Variants in GALNT5 observed in about 807,000 individuals in gnomAD.
The protein encoded by GALNT5 is UDP-GalNAc:polypeptide N-acetylgalactosaminyltransferase 5.
In GALNT5, 72 loss-of-function variants were observed where a neutral mutation model predicts 85.4. The ratio of observed to expected loss-of-function variants is 0.84; its 90% CI spans 0.70 to 1.03. GALNT5 has a LOEUF of 1.03. Ranked by LOEUF, GALNT5 falls within the 50% of genes least tolerant of loss-of-function variation. The pLI is 0.00. For missense variants in GALNT5, 1,137 were observed against 1,135.5 expected (o/e 1.00, Z -0.02); for synonymous variants, 404 against 397.0 (o/e 1.02, Z -0.21).
In GALNT5 at chr2:157,300,705, C is replaced by A. The variant is rs201738512; in HGVS notation, c.2145C>A (p.Ile715=). 6.2e-7 allele frequency: 1 copy of A among 1,613,356 alleles called. No homozygotes were observed. The highest frequency in any genetic ancestry group is 1.7e-5 in the Admixed American group (1 of 60,006). Residue 715 remains isoleucine (I), a synonymous_variant, in exon 7 of 10, where the codon ATC becomes ATA. Transcript: ENST00000259056. ...GGATGTGTGGTGGTGAAATTGAGAT[C>A]ATTCCCTGCTCCCGAGTGGGCCATA... The part of the protein sequence containing the change: ...KVWMCGGEIE[I]IPCSRVGHIF...
At chr2:157,285,283 G>A (rs1030844743) in intron 2 of GALNT5, among the ~76,000 whole-genome samples, 2 of 152,194 alleles carry the variant, frequency 1.3e-5, no homozygotes, top group Non-Finnish European at 2.9e-5. Context: ...GGCCTTGGAA[G>A]CATAAACAGG....
At chr2:157,271,047 C>T (rs1358390115) in intron 1 of GALNT5, among the ~76,000 whole-genome samples, 1 of 151,462 alleles carries the variant, frequency 6.6e-6, no homozygotes, top group East Asian at 1.9e-4. Flanking sequence ...ACCCGGGAGG[C>T]GGAGCCTGCA....
intron 1 of GALNT5, among the ~76,000 whole-genome samples, chr2:157,268,744 GT>G (rs1393892073): frequency 6.6e-6 from 1 of 152,144 alleles, no homozygotes; most frequent in African/African-American, 2.4e-5. Context: ...GGCCCCATTT[GT>G]TTTTAGAACT....
At chr2:157,293,093 C>T (rs1013504537) in intron 3 of GALNT5, among the ~76,000 whole-genome samples, 4 of 152,224 alleles carry the variant, frequency 2.6e-5, no homozygotes, top group Non-Finnish European at 5.9e-5. Context: ...TGAGTCTTCC[C>T]ATGACAGGGG....
At position 157,311,438 on chromosome 2, in the gene GALNT5, A is replaced by C; in HGVS notation, c.*90A>C. ...AACTATATTTCTCAGCGGTAGTTTAAATTTTCAATTTTAATAACATTTGAA... is the reference window on the plus strand; with the variant it reads ...AACTATATTTCTCAGCGGTAGTTTACATTTTCAATTTTAATAACATTTGAA... On this transcript the variant is annotated 3_prime_UTR_variant, in exon 10 of 10. Coordinates refer to ENST00000259056, the MANE Select transcript of GALNT5 (RefSeq NM_014568.3). 1.2e-6 allele frequency: 1 copy of C among 828,768 alleles called. No individual in the cohort carries two copies. Among genetic ancestry groups the C allele is most frequent in the South Asian group, 1.9e-5 (1 of 51,652 alleles). The allele number at this position is 828,768 out of a possible 1,614,324, so 51.3% of individuals were successfully genotyped here. A position where few individuals can be genotyped will look rare whatever the true frequency, so the allele number is the denominator to read the frequency against.
chr2:157,297,704 G>C (rs1683244921), intron 5 of GALNT5, among the ~76,000 whole-genome samples: 1 of 152,166 alleles, frequency 6.6e-6, no homozygotes, highest in Admixed American at 6.5e-5. Flanking sequence ...GGAGGGGAGA[G>C]AGGTGTGGGA....
At chr2:157,280,551 T>C (rs1003843662) in intron 1 of GALNT5, among the ~76,000 whole-genome samples, 4 of 152,248 alleles carry the variant, frequency 2.6e-5, no homozygotes, top group African/African-American at 9.6e-5. Flanking sequence ...TTACCAAGTT[T>C]GTGGTAATTT....
Position 157,289,098 on chromosome 2 carries a change from AC to A in GALNT5, c.1741+2966del, listed in dbSNP as rs555252675. Among the ~76,000 whole-genome samples the A allele has an allele frequency of 1.5e-3, 223 of 152,172 alleles. 1 individual carries two copies. Among genetic ancestry groups the A allele is most frequent in the African/African-American group, 5.3e-3 (220 of 41,468 alleles). On this transcript the variant is annotated intron_variant, in intron 3 of 9. Coordinates refer to ENST00000259056, the MANE Select transcript of GALNT5 (RefSeq NM_014568.3). ...TCATGCACAGAAAGTAGAATACAGA[AC>A]CAAATATGGGTTACTTATTTAAAAA...
chr2:157,296,258 T>G, intron 4 of GALNT5, 136 bp from the exon 5 acceptor site: 1 of 605,770 alleles, frequency 1.7e-6, no homozygotes, highest in South Asian at 2.4e-5. Context: ...CTTGAACTAT[T>G]ATTAAAAGGT....
intron 1 of GALNT5, among the ~76,000 whole-genome samples, chr2:157,264,729 G>A (rs1486845208): frequency 6.6e-6 from 1 of 151,946 alleles, no homozygotes; most frequent in East Asian, 1.9e-4. Context: ...AAACTATAAC[G>A]AATGAGTTAC....
intron 1 of GALNT5, among the ~76,000 whole-genome samples, chr2:157,277,409 T>C (rs1682756052): frequency 6.6e-6 from 1 of 152,194 alleles, no homozygotes; most frequent in Admixed American, 6.5e-5. Context: ...TGTCTAATAT[T>C]GACAGTGGGG....
intron 1 of GALNT5, among the ~76,000 whole-genome samples, chr2:157,282,750 A>G (rs1312554335): frequency 6.6e-6 from 1 of 152,194 alleles, no homozygotes; most frequent in Non-Finnish European, 1.5e-5. Flanking sequence ...AACCAGCAGT[A>G]AAGTAAAAAC....
At chr2:157,261,145 A>C (rs1047966376) in intron 1 of GALNT5, among the ~76,000 whole-genome samples, 5 of 152,250 alleles carry the variant, frequency 3.3e-5, no homozygotes, top group African/African-American at 1.2e-4. Flanking sequence ...AAGTGCAAGG[A>C]AATGAAGTAG....
rs1433023929 is a variant in GALNT5 at position 157,315,791 on chromosome 2, TTGTC to T, written c.*4446_*4449del. ...TTTCTGGGGAAATACCCATGGTTCA[TTGTC>T]TGATGCCAAGAAAGAATTCAGGACA... On this transcript the variant is annotated 3_prime_UTR_variant, in exon 10 of 10. Transcript: ENST00000259056. Among the ~76,000 whole-genome samples the T allele has an allele frequency of 6.6e-6, 1 of 152,222 alleles. No homozygotes were observed. The highest frequency in any genetic ancestry group is 2.4e-5 in the African/African-American group (1 of 41,454).
chr2:157,257,823 A>C lies in GALNT5; in HGVS notation c.-260A>C, dbSNP rs1311239599. 1 of 502,792 alleles carries C rather than the reference A, an allele frequency of 2.0e-6. No individual in the cohort carries two copies. The highest frequency in any genetic ancestry group is 1.9e-5 in the African/African-American group (1 of 51,798). The allele number at this position is 502,792 out of a possible 1,614,324, so 31.1% of individuals were successfully genotyped here. A position where few individuals can be genotyped will look rare whatever the true frequency, so the allele number is the denominator to read the frequency against. On this transcript the variant is annotated 5_prime_UTR_variant, in exon 1 of 10. Coordinates refer to ENST00000259056, the MANE Select transcript of GALNT5 (RefSeq NM_014568.3). ...AATCAACTGCTCCTGGAGTGACCTA[A>C]GGCCAGTGTTTATCAGAACTTAGCC...
intron 1 of GALNT5, among the ~76,000 whole-genome samples, chr2:157,271,710 G>T (rs1558891750): frequency 6.6e-6 from 1 of 152,158 alleles, no homozygotes; most frequent in Non-Finnish European, 1.5e-5. Flanking sequence ...TGAGTGGGGT[G>T]AAGTCAAGGT....
At chr2:157,280,591 A>C (rs2105138217) in intron 1 of GALNT5, among the ~76,000 whole-genome samples, 1 of 152,304 alleles carries the variant, frequency 6.6e-6, no homozygotes, top group South Asian at 2.1e-4. Context: ...ACTAATATAA[A>C]TTTTGGTATC....
chr2:157,280,929 G>A (rs182608049), intron 1 of GALNT5, among the ~76,000 whole-genome samples: 151 of 152,226 alleles, frequency 9.9e-4, no homozygotes, highest in African/African-American at 3.5e-3. Context: ...TTCTGCCATG[G>A]GTAAAAGCTC....
chr2:157,280,588 T>A (rs1682834868), intron 1 of GALNT5, among the ~76,000 whole-genome samples: 2 of 152,292 alleles, frequency 1.3e-5, no homozygotes, highest in South Asian at 4.1e-4. Flanking sequence ...GAAACTAATA[T>A]AAATTTTGGT....
Sources: allele counts gnomAD v4.1 joint callset (sites outside exome capture counted in the v4.1 genomes callset), GRCh38; gene constraint gnomAD v4.1.1; transcripts MANE v1.5; gene names NCBI Gene and HGNC (gene_info 2026-07-23, HGNC 2026-07-21).